Variants in C3orf20 observed in about 807,000 individuals in gnomAD.
The protein encoded by C3orf20 is family with sequence similarity 149 member C, also known as uncharacterized protein C3orf20.
Under a neutral mutation model 88.3 loss-of-function variants are expected in C3orf20, and 76 were observed. The ratio of observed to expected loss-of-function variants is 0.86; its 90% CI spans 0.72 to 1.04. C3orf20 has a LOEUF of 1.04. Among genes scored for constraint, C3orf20 ranks in the 50% least tolerant of loss-of-function variants. The pLI, the probability that C3orf20 is intolerant of heterozygous loss-of-function variation, is 0.00. For synonymous variants in C3orf20, 436 were observed against 437.4 expected (o/e 1.00, Z 0.04); for missense variants, 1,056 against 1,123.3 (o/e 0.94, Z 0.86).
intron 15 of C3orf20, among the ~76,000 whole-genome samples, chr3:14,764,714 G>A (rs946785641): frequency 1.3e-5 from 2 of 152,148 alleles, no homozygotes; most frequent in Admixed American, 6.5e-5. Context: ...CCACTCAAAT[G>A]TAGCCTCTCC....
At chr3:14,733,124 A>G (rs1421012636) in intron 12 of C3orf20, among the ~76,000 whole-genome samples, 1 of 151,956 alleles carries the variant, frequency 6.6e-6, no homozygotes, top group Non-Finnish European at 1.5e-5. Flanking sequence ...GCTGGATTCA[A>G]TTTGCTAGTA....
chr3:14,710,343 T>C (rs985883829), intron 7 of C3orf20, among the ~76,000 whole-genome samples: 1 of 152,224 alleles, frequency 6.6e-6, no homozygotes, highest in African/African-American at 2.4e-5. Flanking sequence ...CTCAATTCTG[T>C]TTTTCTCCAC....
At chr3:14,764,329 A>C (rs915298893) in intron 15 of C3orf20, among the ~76,000 whole-genome samples, 1 of 152,202 alleles carries the variant, frequency 6.6e-6, no homozygotes, top group Non-Finnish European at 1.5e-5. Context: ...TCCTAATCCT[A>C]GAATAGCCAA....
At chr3:14,721,003 C>T (rs2034138241) in intron 9 of C3orf20, among the ~76,000 whole-genome samples, 1 of 152,190 alleles carries the variant, frequency 6.6e-6, no homozygotes, top group African/African-American at 2.4e-5. Context: ...AACTCACTCT[C>T]CCCAAGCTCC....
intron 1 of C3orf20, among the ~76,000 whole-genome samples, chr3:14,675,767 TGC>T (rs1031700302): frequency 6.6e-6 from 1 of 152,134 alleles, no homozygotes. Flanking sequence ...AGTGGCTCAC[TGC>T]AACCTCCACT....
rs765471144 is a variant in C3orf20, at chr3:14,772,021, G to T, written c.2496-46G>T. On this transcript the variant is annotated intron_variant, in intron 15 of 16. Coordinates refer to ENST00000253697, the MANE Select transcript of C3orf20 (RefSeq NM_032137.5). This position sits in a 1 kb window ranked among gnomAD's most constrained non-coding sequence, Gnocchi z 4.2. ...GAACACTGATGGGACAGCGTGCAGT[G>T]CACCCTGGGCCCTGAGCACTGCCCC... The T allele has an allele frequency of 2.5e-6, 4 of 1,611,800 alleles. No individual in the cohort carries two copies. The highest frequency in any genetic ancestry group is 1.7e-4 in the Middle Eastern group (1 of 6,026).
intron 5 of C3orf20, among the ~76,000 whole-genome samples, chr3:14,696,630 G>A (rs540718164): frequency 7.9e-5 from 12 of 151,754 alleles, no homozygotes; most frequent in African/African-American, 2.4e-4. Context: ...TGCCTGCCTC[G>A]GCCTCCCAGA....
At chr3:14,687,950 A>G (rs2032515586) in intron 4 of C3orf20, among the ~76,000 whole-genome samples, 1 of 152,150 alleles carries the variant, frequency 6.6e-6, no homozygotes, top group Admixed American at 6.6e-5. Flanking sequence ...CCTAGCAAGC[A>G]TCCCTGTCTT....
At chr3:14,675,563 G>A (rs559910570) in intron 1 of C3orf20, among the ~76,000 whole-genome samples, 1 of 152,276 alleles carries the variant, frequency 6.6e-6, no homozygotes, top group Admixed American at 6.5e-5. Flanking sequence ...GTAAATCCCA[G>A]GCTGCATCTA....
At chr3:14,770,411 T>C (rs1483827841) in intron 15 of C3orf20, among the ~76,000 whole-genome samples, 1 of 152,204 alleles carries the variant, frequency 6.6e-6, no homozygotes, top group Non-Finnish European at 1.5e-5. Flanking sequence ...TGTCTCCTCT[T>C]GTCTCTGAAA....
chr3:14,677,660 C>G (rs1317589342), intron 1 of C3orf20, among the ~76,000 whole-genome samples: 1 of 152,112 alleles, frequency 6.6e-6, no homozygotes, highest in East Asian at 1.9e-4. Flanking sequence ...ACCAGCACAC[C>G]TGGCTACTTT....
intron 1 of C3orf20, among the ~76,000 whole-genome samples, chr3:14,679,486 G>A (rs2031964515): frequency 6.6e-6 from 1 of 152,194 alleles, no homozygotes; most frequent in Non-Finnish European, 1.5e-5. Context: ...TGCTGGTGTG[G>A]GTGCCACAAT....
chr3:14,758,299 C>T (rs2035446341), intron 13 of C3orf20, among the ~76,000 whole-genome samples: 1 of 152,176 alleles, frequency 6.6e-6, no homozygotes, highest in African/African-American at 2.4e-5. Context: ...CTAGAAGAGG[C>T]AGTGGCCTGT....
chr3:14,732,724 A>C (rs1575136437), intron 12 of C3orf20, among the ~76,000 whole-genome samples: 1 of 152,228 alleles, frequency 6.6e-6, no homozygotes, highest in African/African-American at 2.4e-5. Flanking sequence ...ATTACAAAGA[A>C]TTATGAAGTC....
intron 12 of C3orf20, among the ~76,000 whole-genome samples, chr3:14,730,814 T>A (rs1250339072): frequency 6.6e-6 from 1 of 152,244 alleles, no homozygotes; most frequent in Non-Finnish European, 1.5e-5. Context: ...ATGCTTGGTA[T>A]GGTCAATCAT....
intron 12 of C3orf20, among the ~76,000 whole-genome samples, chr3:14,731,871 G>A (rs2124994864): frequency 6.6e-6 from 1 of 152,218 alleles, no homozygotes; most frequent in East Asian, 1.9e-4. Flanking sequence ...GGCATGGATG[G>A]GCAAAATTTG....
chr3:14,737,307 G>A (rs2034746337), intron 12 of C3orf20, among the ~76,000 whole-genome samples: 1 of 149,732 alleles, frequency 6.7e-6, no homozygotes, highest in African/African-American at 2.5e-5. Context: ...CTCTATCTGG[G>A]ACTCCCAAGT....
intron 10 of C3orf20, chr3:14,722,709 A>T (rs1197771581): frequency 1.5e-5 from 6 of 399,930 alleles, no homozygotes; most frequent in Admixed American, 1.2e-4. Context: ...AGGGCCCAGC[A>T]TGAGGACTAC....
chr3:14,758,583 G>A (rs943796357), intron 13 of C3orf20, among the ~76,000 whole-genome samples: 2 of 152,182 alleles, frequency 1.3e-5, no homozygotes, highest in Non-Finnish European at 2.9e-5. Flanking sequence ...CTTCCTTCAA[G>A]CCCTGTTTGC....
Sources: allele counts gnomAD v4.1 joint callset (sites outside exome capture counted in the v4.1 genomes callset), GRCh38; gene constraint gnomAD v4.1.1; non-coding constraint Gnocchi (gnomAD v3.1); transcripts MANE v1.5; gene names NCBI Gene and HGNC (gene_info 2026-07-23, HGNC 2026-07-21).